The following ATP6V0E1 variants were observed in gnomAD, a reference collection of about 807,000 sequenced individuals.
ATP6V0E1 encodes the protein V-type proton ATPase subunit e 1.
In ATP6V0E1, 4 loss-of-function variants were observed where a neutral mutation model predicts 11.6. The ratio of observed to expected loss-of-function variants is 0.35; its 90% CI spans 0.17 to 0.79. The LOEUF (loss-of-function observed/expected upper bound fraction) is 0.79. ATP6V0E1 is among the 30% of genes least tolerant of loss of function. ATP6V0E1 has a pLI of 0.54. For missense variants in ATP6V0E1, 105 were observed against 100.0 expected, an observed-to-expected ratio of 1.05 and a Z score of -0.21; for synonymous variants, 36 against 34.8, an observed-to-expected ratio of 1.04 and a Z score of -0.13.
At chr5:172,992,223 T>C (rs1005019139) in intron 1 of ATP6V0E1, among the ~76,000 whole-genome samples, 20 of 152,244 alleles carry the variant, frequency 1.3e-4, no homozygotes, top group Admixed American at 3.9e-4. Context: ...GCTAATTTTT[T>C]TGTATTTTCA....
intron 2 of ATP6V0E1, among the ~76,000 whole-genome samples, chr5:173,002,063 C>T (rs1281659428): frequency 2.6e-5 from 4 of 152,126 alleles, no homozygotes; most frequent in African/African-American, 9.7e-5. Flanking sequence ...GCTTACCACC[C>T]ACCTTCAAAA....
intron 2 of ATP6V0E1, among the ~76,000 whole-genome samples, chr5:173,008,933 A>C (rs1341301009): frequency 6.8e-6 from 1 of 147,720 alleles, no homozygotes; most frequent in Non-Finnish European, 1.5e-5. Flanking sequence ...AAAAAAAAAA[A>C]ACTCAACTGA....
chr5:173,015,686 A>G (rs1052284078), intron 2 of ATP6V0E1, among the ~76,000 whole-genome samples: 1 of 152,136 alleles, frequency 6.6e-6, no homozygotes, highest in African/African-American at 2.4e-5. Context: ...GCCCCTTTCC[A>G]TAGCTCACCC....
intron 3 of ATP6V0E1, among the ~76,000 whole-genome samples, chr5:173,026,699 G>C (rs1453462673): frequency 6.6e-6 from 1 of 152,120 alleles, no homozygotes; most frequent in Non-Finnish European, 1.5e-5. Flanking sequence ...GTTATTTCTA[G>C]TCTTTTGCTA....
At chr5:173,023,961 G>A (rs1316115189) in intron 3 of ATP6V0E1, among the ~76,000 whole-genome samples, 1 of 152,092 alleles carries the variant, frequency 6.6e-6, no homozygotes, top group Non-Finnish European at 1.5e-5. Flanking sequence ...ACTTTGGGAG[G>A]CAAGGCGAGT....
At chr5:173,022,305 T>G (rs1019717895) in intron 3 of ATP6V0E1, among the ~76,000 whole-genome samples, 6 of 152,222 alleles carry the variant, frequency 3.9e-5, no homozygotes, top group African/African-American at 1.4e-4. Context: ...GCTCTGGCTC[T>G]CCTATGTTTA....
chr5:173,011,396 C>G (rs1756324856), intron 2 of ATP6V0E1, among the ~76,000 whole-genome samples: 1 of 151,972 alleles, frequency 6.6e-6, no homozygotes, highest in Non-Finnish European at 1.5e-5. Flanking sequence ...GTTGCTCAGG[C>G]TGGTCTTGAA....
intron 3 of ATP6V0E1, chr5:173,020,758 C>A (rs185838457): frequency 7.7e-6 from 4 of 519,220 alleles, no homozygotes; most frequent in Non-Finnish European, 1.5e-5. Context: ...CGGACAGAAC[C>A]GTTCCTGTGA....
Position 172,983,884 on chromosome 5 carries a change from G to A in ATP6V0E1, c.24G>A (p.Val8=), listed in dbSNP as rs35000513. Residue 8 remains valine (V), a synonymous_variant, in exon 1 of 4, where the codon GTG becomes GTA. Transcript: ENST00000519374. ...CCATGGCGTATCACGGCCTCACTGT[G>A]CCTCTCATTGTGATGAGCGTGTTCT... MAYHGLT[V]PLIVMSVFWG... 4.3e-4 allele frequency: 700 copies of A among 1,613,776 alleles called. 5 individuals carry two copies. The African/African-American group carries it at 8.3e-3, about 19-fold the overall frequency.
At chr5:173,030,844 G>A (rs1357682392) in intron 3 of ATP6V0E1, among the ~76,000 whole-genome samples, 2 of 151,966 alleles carry the variant, frequency 1.3e-5, no homozygotes, top group African/African-American at 4.8e-5. Context: ...GACCTCCCAG[G>A]TTCAAGTGAT....
Position 172,986,207 on chromosome 5 carries a change from T to C in ATP6V0E1, c.104+2243T>C, listed in dbSNP as rs930705263. 3.3e-5 allele frequency among the ~76,000 whole-genome samples: 5 copies of C among 152,236 alleles called. No individual in the cohort carries two copies. In the East Asian group the frequency reaches 7.7e-4, roughly 23 times the overall value. On this transcript the variant is annotated intron_variant, in intron 1 of 3. Coordinates refer to ENST00000519374, the MANE Select transcript of ATP6V0E1 (RefSeq NM_003945.4). ...GGTGGACTTTAGAAACACTGTATAC[T>C]TAGGCTACATGAAATTTCTGAAAAA... is the stretch of plus-strand genomic sequence containing the variant.
At chr5:172,989,619 C>T (rs1232978757) in intron 1 of ATP6V0E1, among the ~76,000 whole-genome samples, 5 of 152,080 alleles carry the variant, frequency 3.3e-5, no homozygotes, top group East Asian at 1.9e-4. Context: ...CTCTGCCTCC[C>T]GGGTTCAAGC....
Position 173,000,424 on chromosome 5 carries a change from C to T in ATP6V0E1, c.152+5602C>T, listed in dbSNP as rs80126325. Among the ~76,000 whole-genome samples the T allele has an allele frequency of 6.0e-3, 917 of 152,272 alleles. 13 individuals are homozygous for T. Among genetic ancestry groups the T allele is most frequent in the African/African-American group, 0.021 (857 of 41,542 alleles). ...TTATATTGTTGTTTACTCAGAGTCA[C>T]CAAGCTCACATGAAATTAGAAATGT... On this transcript the variant is annotated intron_variant, in intron 2 of 3. Transcript: ENST00000519374.
At position 172,995,305 on chromosome 5, in the gene ATP6V0E1, TTGGCCAGGC is replaced by T. The variant is rs1328253290; in HGVS notation, c.152+487_152+495del. ...TTTTAGTGGAGACGGGTTTGCCATG[TTGGCCAGGC>T]TGGTCTCAAACTCCTGACCTCAAGT... On this transcript the variant is annotated intron_variant, in intron 2 of 3. Transcript: ENST00000519374. 5.3e-5 allele frequency among the ~76,000 whole-genome samples: 8 copies of T among 152,330 alleles called. No homozygotes were observed. The East Asian group carries it at 1.3e-3, about 26-fold the overall frequency.
At chr5:172,987,813 A>G (rs950734615) in intron 1 of ATP6V0E1, among the ~76,000 whole-genome samples, 1 of 152,028 alleles carries the variant, frequency 6.6e-6, no homozygotes, top group Admixed American at 6.6e-5. Flanking sequence ...TCCAAGGCTC[A>G]AGGGATCCGT....
intron 2 of ATP6V0E1, among the ~76,000 whole-genome samples, chr5:173,017,659 A>G (rs918336851): frequency 4.0e-5 from 6 of 151,712 alleles, no homozygotes; most frequent in Admixed American, 1.3e-4. Flanking sequence ...TGGCCAACAT[A>G]GTGAAACCTC....
intron 3 of ATP6V0E1, among the ~76,000 whole-genome samples, chr5:173,032,368 A>C (rs1235936617): frequency 1.4e-4 from 21 of 149,666 alleles, no homozygotes; most frequent in Admixed American, 1.3e-4. Flanking sequence ...GCTCACTGCA[A>C]CCTCCGCCTC....
chr5:173,020,584 A>C, intron 3 of ATP6V0E1: 2 of 540,654 alleles, frequency 3.7e-6, no homozygotes, highest in Non-Finnish European at 6.8e-6. Flanking sequence ...CTGCCTTTTT[A>C]AATAAATACA....
Position 173,021,741 on chromosome 5 carries a change from T to A in ATP6V0E1, c.*36+1374T>A, listed in dbSNP as rs1388047862. ...GAGGGGACATATAATCCAAGCCATA[T>A]CAGTGCCTTTTGAAAATCAGTCTTT... On this transcript the variant is annotated intron_variant, in intron 3 of 3. Coordinates refer to ENST00000519374, the MANE Select transcript of ATP6V0E1 (RefSeq NM_003945.4). Among the ~76,000 whole-genome samples, 2 of 152,194 alleles carry A rather than the reference T, an allele frequency of 1.3e-5. 1 individual carries two copies. Among genetic ancestry groups the A allele is most frequent in the Non-Finnish European group, 2.9e-5 (2 of 68,034 alleles).
Sources: gnomAD v4.1 joint callset for allele counts (sites outside exome capture counted in the v4.1 genomes callset) on GRCh38, gnomAD v4.1.1 for gene constraint, MANE v1.5 for transcripts, NCBI Gene and HGNC (gene_info 2026-07-23, HGNC 2026-07-21) for gene names.